DISC1: variants seen among roughly 807,000 people sequenced by gnomAD.
The protein encoded by DISC1 is DISC1 scaffold protein.
DISC1 carries 57 observed loss-of-function variants against 84.5 expected under a neutral mutation model. The observed-to-expected ratio is 0.67, with a 90% CI of 0.55 to 0.84. The LOEUF is 0.84. Among genes scored for constraint, DISC1 ranks in the 40% least tolerant of loss-of-function variants. The pLI, the probability that DISC1 is intolerant of heterozygous loss-of-function variation, is 0.00. For missense variants in DISC1, 1,000 were observed against 1,057.8 expected, an observed-to-expected ratio of 0.95 and a Z score of 0.76; for synonymous variants, 411 against 415.2, an observed-to-expected ratio of 0.99 and a Z score of 0.12.
intron 4 of DISC1, among the ~76,000 whole-genome samples, chr1:231,765,104 C>T (rs1374258341): frequency 7.5e-5 from 11 of 146,272 alleles, no homozygotes; most frequent in African/African-American, 1.8e-4. Context: ...GCAGGAGAAT[C>T]GCTTGAACCT....
rs1372861311 is a variant in DISC1, at chr1:231,671,899, T to TG, written c.68-21924dup. 2.0e-5 allele frequency among the ~76,000 whole-genome samples: 3 copies of TG among 152,258 alleles called. No homozygotes were observed. In the East Asian group the frequency reaches 5.8e-4, roughly 29 times the overall value. On this transcript the variant is annotated intron_variant, in intron 1 of 12. Transcript: ENST00000439617. ...ATTTGTAAAATGCTTATAACCCTGCTGGGTACAAAGTAGGTGTCTTGAAGT... is the reference window on the plus strand; with the variant it reads ...ATTTGTAAAATGCTTATAACCCTGCTGGGGTACAAAGTAGGTGTCTTGAAGT...
rs926645498 is a variant in DISC1, at chr1:231,812,063, A to AT, written c.1793-6258dup. Among the ~76,000 whole-genome samples the AT allele has an allele frequency of 6.6e-5, 10 of 151,942 alleles. No homozygotes were observed. The East Asian group carries it at 1.2e-3, about 18-fold the overall frequency. On this transcript the variant is annotated intron_variant, in intron 8 of 12. Transcript: ENST00000439617. Reference sequence around the variant, plus strand: ...GTGCTATGAAGTACAGAGGGCAGGTATTTTTTTTAAGGGATGGGGTCTTGC... The same window carrying AT: ...GTGCTATGAAGTACAGAGGGCAGGTATTTTTTTTTAAGGGATGGGGTCTTGC...
At chr1:231,860,263 A>T (rs182568500) in intron 9 of DISC1, among the ~76,000 whole-genome samples, 3 of 152,360 alleles carry the variant, frequency 2.0e-5, no homozygotes. Flanking sequence ...AGCCAAAGAC[A>T]CATTCAACAT....
In DISC1 at chr1:231,926,771, T is replaced by G. The variant is rs977228814; in HGVS notation, c.1982-32057T>G. 7.9e-5 allele frequency among the ~76,000 whole-genome samples: 12 copies of G among 152,110 alleles called. No homozygotes were observed. In the East Asian group the frequency reaches 2.3e-3, roughly 29 times the overall value. The stretch of plus-strand genomic sequence containing the variant: ...TGAATTTAAAGGCAAGGGCAGAGAT[T>G]TATTCCTCCACTAAATCTAAGGACT... On this transcript the variant is annotated intron_variant, in intron 9 of 12. Coordinates refer to ENST00000439617, the MANE Select transcript of DISC1 (RefSeq NM_018662.3).
intron 3 of DISC1, among the ~76,000 whole-genome samples, chr1:231,708,700 C>T (rs1558389686): frequency 6.6e-6 from 1 of 152,178 alleles, no homozygotes; most frequent in Non-Finnish European, 1.5e-5. Context: ...TGTCTCCCAT[C>T]CCTACTGGGT....
chr1:231,895,558 T>A (rs1040199997), intron 9 of DISC1, among the ~76,000 whole-genome samples: 15 of 152,130 alleles, frequency 9.9e-5, no homozygotes, highest in Non-Finnish European at 2.1e-4. Context: ...ATCAATAAGG[T>A]TTTAAAAATT....
At chr1:231,776,717 A>C (rs148490618) in intron 6 of DISC1, among the ~76,000 whole-genome samples, 2,617 of 152,350 alleles carry the variant, frequency 0.017, 56 homozygotes, top group Admixed American at 0.054. Context: ...GAGATTTGAA[A>C]TAATGTAATT....
intron 6 of DISC1, among the ~76,000 whole-genome samples, chr1:231,786,295 G>A (rs1168768717): frequency 1.3e-5 from 2 of 152,230 alleles, no homozygotes; most frequent in African/African-American, 4.8e-5. Context: ...TTGCAACTGA[G>A]AAGATGGAGC....
chr1:231,876,801 C>G (rs1287641784), intron 9 of DISC1, among the ~76,000 whole-genome samples: 1 of 152,232 alleles, frequency 6.6e-6, no homozygotes, highest in Non-Finnish European at 1.5e-5. Context: ...ATGACTGATT[C>G]TTTTCTGCTG....
chr1:231,967,700 G>A (rs1349045813), intron 10 of DISC1, among the ~76,000 whole-genome samples: 1 of 152,100 alleles, frequency 6.6e-6, no homozygotes, highest in East Asian at 1.9e-4. Context: ...AGTTTGAAAT[G>A]CAAACTGTAA....
intron 11 of DISC1, among the ~76,000 whole-genome samples, chr1:232,013,168 G>A (rs191081106): frequency 1.1e-4 from 17 of 152,218 alleles, no homozygotes; most frequent in Admixed American, 8.5e-4. Context: ...CCTAGCCTGC[G>A]GGGTGCTTTC....
intron 11 of DISC1, among the ~76,000 whole-genome samples, chr1:232,017,978 G>A (rs1668632782): frequency 1.3e-5 from 2 of 152,220 alleles, no homozygotes; most frequent in South Asian, 2.1e-4. Context: ...TCAACCCAAG[G>A]TGTAACCCGT....
chr1:231,680,865 A>G (rs970954983), intron 1 of DISC1, among the ~76,000 whole-genome samples: 1 of 152,248 alleles, frequency 6.6e-6, no homozygotes, highest in Non-Finnish European at 1.5e-5. Flanking sequence ...TATGGCATTA[A>G]AAAGGTAACT....
At chr1:231,632,995 T>C (rs1048907996) in intron 1 of DISC1, among the ~76,000 whole-genome samples, 1 of 152,112 alleles carries the variant, frequency 6.6e-6, no homozygotes, top group African/African-American at 2.4e-5. Flanking sequence ...CGCTTGAACC[T>C]GGGAGGCAGA....
intron 6 of DISC1, among the ~76,000 whole-genome samples, chr1:231,789,822 T>A (rs2125583058): frequency 6.6e-6 from 1 of 152,328 alleles, no homozygotes; most frequent in East Asian, 1.9e-4. Flanking sequence ...ATTACTCATA[T>A]TTTTGACATC....
chr1:231,761,889 A>T (rs540249121), intron 4 of DISC1, among the ~76,000 whole-genome samples: 16 of 152,196 alleles, frequency 1.1e-4, no homozygotes, highest in African/African-American at 3.6e-4. Context: ...TCACCATGAG[A>T]TGAGCTCAGT....
intron 9 of DISC1, among the ~76,000 whole-genome samples, chr1:231,922,531 A>G (rs2090073302): frequency 6.6e-6 from 1 of 152,110 alleles, no homozygotes; most frequent in Non-Finnish European, 1.5e-5. Context: ...TGGCATTGGG[A>G]CATCCTGATT....
At chr1:231,883,394 G>A (rs2086437551) in intron 9 of DISC1, among the ~76,000 whole-genome samples, 1 of 152,168 alleles carries the variant, frequency 6.6e-6, no homozygotes, top group African/African-American at 2.4e-5. Context: ...GGTGTGGAGA[G>A]GGGCTGGCCT....
chr1:231,993,239 G>A (rs1665463696), intron 10 of DISC1, among the ~76,000 whole-genome samples: 1 of 152,042 alleles, frequency 6.6e-6, no homozygotes, highest in South Asian at 2.1e-4. Flanking sequence ...CCACTTTGCA[G>A]GTGTGTGGAG....
Sources: allele counts gnomAD v4.1 joint callset (sites outside exome capture counted in the v4.1 genomes callset), GRCh38; gene constraint gnomAD v4.1.1; transcripts MANE v1.5; gene names NCBI Gene and HGNC (gene_info 2026-07-23, HGNC 2026-07-21).